ZFHX3: variants seen among roughly 807,000 people sequenced by gnomAD.
ZFHX3 encodes zinc finger homeobox protein 3.
In ZFHX3, 42 loss-of-function variants were observed where a neutral mutation model predicts 279.1. That is an observed-to-expected ratio of 0.15 (90% confidence interval 0.12 to 0.19). The LOEUF (loss-of-function observed/expected upper bound fraction) is 0.19, where lower values mean the gene tolerates loss of function less well. ZFHX3 is among the 10% of genes least tolerant of loss of function. The pLI, the probability that ZFHX3 is intolerant of heterozygous loss-of-function variation, is 1.00. For synonymous variants in ZFHX3, 2,293 were observed against 1,957.8 expected (o/e 1.17, Z -4.52); for missense variants, 4,981 against 4,754.0 (o/e 1.05, Z -1.40).
intron 1 of ZFHX3, among the ~76,000 whole-genome samples, chr16:73,750,532 A>T (rs1448388048): frequency 6.6e-6 from 1 of 152,232 alleles, no homozygotes; most frequent in Non-Finnish European, 1.5e-5. Flanking sequence ...ACTGGTTGAA[A>T]AAATGCAGAT....
intron 5 of ZFHX3, among the ~76,000 whole-genome samples, chr16:73,234,623 A>G (rs1037478134): frequency 2.0e-5 from 3 of 152,212 alleles, no homozygotes; most frequent in Non-Finnish European, 4.4e-5. Context: ...AGATCCAAAG[A>G]ATGATTTGCT....
At chr16:73,642,946 G>A (rs763849925) in intron 2 of ZFHX3, among the ~76,000 whole-genome samples, 3 of 152,142 alleles carry the variant, frequency 2.0e-5, no homozygotes, top group Non-Finnish European at 2.9e-5. Flanking sequence ...GGTGGGGTAC[G>A]ATGGAAAATT....
intron 1 of ZFHX3, among the ~76,000 whole-genome samples, chr16:73,032,233 T>A (rs1964731584): frequency 6.6e-6 from 1 of 152,062 alleles, no homozygotes; most frequent in Admixed American, 6.5e-5. Context: ...GCCCAGGAGA[T>A]GGAGGTTGTA....
chr16:73,251,885 C>A (rs1178195839), intron 5 of ZFHX3, among the ~76,000 whole-genome samples: 1 of 107,562 alleles, frequency 9.3e-6, no homozygotes, highest in African/African-American at 4.7e-5. Context: ...GCACACACAC[C>A]ACACACACAC....
chr16:73,340,229 T>C (rs953137585), intron 3 of ZFHX3, among the ~76,000 whole-genome samples: 6 of 152,186 alleles, frequency 3.9e-5, no homozygotes, highest in Admixed American at 1.3e-4. Flanking sequence ...TAAAGCAGCA[T>C]GGTGTTGGTG....
chr16:72,793,163 C>G lies in ZFHX3; in HGVS notation c.9427+92G>C. ...TAGAAAGGTAAGCTTCCCATCTGCC[C>G]AGCACTCAGAGGGTTTGGGTGGTAT... On this transcript the variant is annotated intron_variant, in intron 9 of 9. Transcript: ENST00000268489. This position sits in a 1 kb window ranked among gnomAD's most constrained non-coding sequence, Gnocchi z 4.3. 1 of 1,514,484 alleles carries G rather than the reference C, an allele frequency of 6.6e-7. No homozygotes were observed. The highest frequency in any genetic ancestry group is 1.4e-5 in the South Asian group (1 of 74,062). The allele number at this position is 1,514,484 out of a possible 1,614,324, so 93.8% of individuals were successfully genotyped here.
At chr16:73,095,088 T>C (rs76810063) in intron 7 of ZFHX3, among the ~76,000 whole-genome samples, 3,754 of 152,006 alleles carry the variant, frequency 0.025, 154 homozygotes, top group African/African-American at 0.084. Context: ...CTTATCTTTT[T>C]TTACTTTTTA....
chr16:73,812,250 T>G (rs371331060), intron 1 of ZFHX3, among the ~76,000 whole-genome samples: 5 of 152,286 alleles, frequency 3.3e-5, no homozygotes, highest in East Asian at 3.9e-4. Flanking sequence ...CTTCAAACAC[T>G]AAGCTCCCAT....
In ZFHX3 at chr16:72,795,606, CCCT is replaced by C; in HGVS notation, c.7073_7075del (p.Glu2358del). ...ATCCTCATTTTGGCTGTCGTCCTGC[CCCT>C]CCTCATCCTCATCCTTGTAACACAG... On this transcript the variant is annotated inframe_deletion, in exon 9 of 10. Transcript: ENST00000268489. 2 of 1,613,644 alleles carry C rather than the reference CCCT, an allele frequency of 1.2e-6. No homozygotes were observed. The highest frequency in any genetic ancestry group is 1.1e-5 in the South Asian group (1 of 90,980).
At chr16:72,920,770 G>C (rs2039564682) in intron 3 of ZFHX3, among the ~76,000 whole-genome samples, 1 of 151,376 alleles carries the variant, frequency 6.6e-6, no homozygotes, top group South Asian at 2.1e-4. Context: ...AACTTTTTTA[G>C]CTTTTAAAGC....
At chr16:72,965,145 C>G (rs913968755) in intron 1 of ZFHX3, among the ~76,000 whole-genome samples, 1 of 152,340 alleles carries the variant, frequency 6.6e-6, no homozygotes, top group South Asian at 2.1e-4. Flanking sequence ...TCCCAAAGTG[C>G]TGGGATTACA....
intron 7 of ZFHX3, among the ~76,000 whole-genome samples, chr16:73,118,262 G>A (rs1966455575): frequency 6.6e-6 from 1 of 152,212 alleles, no homozygotes; most frequent in Non-Finnish European, 1.5e-5. Context: ...AGGCTAGAGT[G>A]CAGTGGCACA....
In ZFHX3 at chr16:72,829,779, C is replaced by A; in HGVS notation, c.3529G>T (p.Ala1177Ser). Reference sequence around the variant, plus strand: ...GTCCACTTGCCCTGGTCTTTCTCACCTCCGCCCTCTTGGTCCTTAGCAAGC... The same window carrying A: ...GTCCACTTGCCCTGGTCTTTCTCACATCCGCCCTCTTGGTCCTTAGCAAGC... ...EELAKDQEGG[A>S]SSSQAEKELT... is the part of the protein sequence containing the mutation. Residue 1177 changes from alanine to serine, a missense_variant and splice_region_variant, in exon 5 of 10, where the codon GCA becomes TCA. Ala to Ser is a moderately conservative substitution (Grantham distance 99, BLOSUM62 1). Around this residue, in one of 7 missense-constraint regions of ZFHX3, gnomAD observed 1,751 missense variants for 1,770.0 expected, o/e 0.99. Transcript: ENST00000268489. 6.2e-7 allele frequency: 1 copy of A among 1,614,210 alleles called. No homozygotes were observed. The highest frequency in any genetic ancestry group is 8.5e-7 in the Non-Finnish European group (1 of 1,180,044).
chr16:73,824,248 G>A (rs1567422563), intron 1 of ZFHX3, among the ~76,000 whole-genome samples: 1 of 152,156 alleles, frequency 6.6e-6, no homozygotes, highest in Non-Finnish European at 1.5e-5. Flanking sequence ...CTTTTCCAAA[G>A]TCATCTTATC....
intron 2 of ZFHX3, among the ~76,000 whole-genome samples, chr16:73,545,601 G>T (rs2020094922): frequency 6.6e-6 from 1 of 152,012 alleles, no homozygotes; most frequent in Non-Finnish European, 1.5e-5. Context: ...AGTTTCCCCA[G>T]GTTTGCTGCA....
intron 1 of ZFHX3, among the ~76,000 whole-genome samples, chr16:72,979,074 G>A (rs1346722522): frequency 1.3e-5 from 2 of 152,200 alleles, no homozygotes; most frequent in Non-Finnish European, 1.5e-5. Flanking sequence ...AAGGAAAGCT[G>A]AGTGTCAACA....
intron 4 of ZFHX3, among the ~76,000 whole-genome samples, chr16:73,306,727 A>G (rs185307222): frequency 6.6e-6 from 1 of 152,310 alleles, no homozygotes; most frequent in East Asian, 1.9e-4. Context: ...ATCAAGGCCA[A>G]TTTACCTCTG....
chr16:73,448,721 T>TGTGTGTGTGTGC (rs398029899), intron 3 of ZFHX3, among the ~76,000 whole-genome samples: 1 of 151,524 alleles, frequency 6.6e-6, no homozygotes, highest in African/African-American at 2.4e-5. Context: ...TGTGTGTGTG[T>TGTGTGTGTGTGC]ATCTTCCTCT....
intron 6 of ZFHX3, among the ~76,000 whole-genome samples, chr16:73,139,666 C>T (rs2144831276): frequency 6.6e-6 from 1 of 152,332 alleles, no homozygotes; most frequent in East Asian, 1.9e-4. Flanking sequence ...AGGGAGTTGG[C>T]TGCCGCCGTG....
Sources: gnomAD v4.1 joint callset for allele counts (sites outside exome capture counted in the v4.1 genomes callset) on GRCh38, gnomAD v4.1.1 for gene constraint, gnomAD v4.1.1 regional missense constraint, Gnocchi (gnomAD v3.1) non-coding constraint, MANE v1.5 for transcripts, NCBI Gene and HGNC (gene_info 2026-07-23, HGNC 2026-07-21) for gene names.